Variants in LAMA2 observed in about 807,000 individuals in gnomAD.
LAMA2 encodes the protein laminin subunit alpha 2.
A neutral mutation model predicts 364.8 loss-of-function variants in LAMA2; 269 were observed. The observed-to-expected ratio is 0.74, with a 90% confidence interval of 0.67 to 0.82. The LOEUF is 0.82. LAMA2 is among the 40% of genes least tolerant of loss of function. The pLI, the probability that LAMA2 is intolerant of heterozygous loss-of-function variation, is 0.00. For missense variants in LAMA2, 3,807 were observed against 3,873.2 expected, an observed-to-expected ratio of 0.98 and a Z score of 0.45; for synonymous variants, 1,379 against 1,370.6, an observed-to-expected ratio of 1.01 and a Z score of -0.14.
At chr6:129,307,671 G>A (rs966393648) in intron 22 of LAMA2, among the ~76,000 whole-genome samples, 2 of 152,086 alleles carry the variant, frequency 1.3e-5, no homozygotes, top group African/African-American at 4.8e-5. Flanking sequence ...TTTTATTTTA[G>A]TTGGTTGTGT....
At chr6:129,049,888 T>A (rs1562189546) in intron 1 of LAMA2, 30 bp from the exon 2 acceptor site, 1 of 1,603,366 alleles carries the variant, frequency 6.2e-7, no homozygotes, top group East Asian at 2.2e-5. Context: ...GTTTCTGGTC[T>A]ACACACCTTC....
intron 14 of LAMA2, among the ~76,000 whole-genome samples, chr6:129,253,516 T>C (rs573018157): frequency 1.3e-5 from 2 of 152,362 alleles, no homozygotes; most frequent in East Asian, 1.9e-4. Context: ...CTCTTTTGCA[T>C]AGGCAATTCT....
chr6:129,185,315 T>C (rs1205921953), intron 10 of LAMA2, among the ~76,000 whole-genome samples: 1 of 151,712 alleles, frequency 6.6e-6, no homozygotes, highest in Non-Finnish European at 1.5e-5. Context: ...GAGGAAACTA[T>C]AGCAAAAAGA....
intron 40 of LAMA2, among the ~76,000 whole-genome samples, chr6:129,418,250 C>T (rs1023318578): frequency 5.3e-5 from 8 of 151,994 alleles, no homozygotes; most frequent in Admixed American, 2.6e-4. Flanking sequence ...ACAATAGATC[C>T]CCTCTCCCCA....
At chr6:129,178,656 CT>C (rs1780753858) in intron 10 of LAMA2, among the ~76,000 whole-genome samples, 1 of 151,982 alleles carries the variant, frequency 6.6e-6, no homozygotes, top group Admixed American at 6.6e-5. Context: ...AAAGTTACTA[CT>C]TTTTTCTTTA....
intron 40 of LAMA2, among the ~76,000 whole-genome samples, chr6:129,421,454 T>G (rs994752435): frequency 2.6e-5 from 4 of 152,106 alleles, no homozygotes; most frequent in Admixed American, 2.6e-4. Context: ...CTCATTTATA[T>G]TTCACATATG....
intron 17 of LAMA2, among the ~76,000 whole-genome samples, chr6:129,272,325 T>G (rs1186642426): frequency 6.6e-6 from 1 of 152,160 alleles, no homozygotes; most frequent in Non-Finnish European, 1.5e-5. Context: ...AAACTCTCTG[T>G]GCCTCAATTT....
At position 129,502,684 on chromosome 6, in the gene LAMA2, C is replaced by T. The variant is rs768006670; in HGVS notation, c.8270C>T (p.Pro2757Leu). The change falls in exon 59 of 65, where the codon CCA (proline) becomes CTA (leucine). Residue 2757 changes from proline (P) to leucine (L), a missense_variant. Physicochemically the swap from Pro to Leu is moderately conservative, Grantham distance 98. Transcript: ENST00000421865. Reference sequence around the variant, plus strand: ...GGTCCTTGTGCTGCAGAATCAGAACCAGCTCTTTTGATAGGGAGCAAGCAG... The same window carrying T: ...GGTCCTTGTGCTGCAGAATCAGAACTAGCTCTTTTGATAGGGAGCAAGCAG... ...THGPCAAESE[P>L]ALLIGSKQFG... 1 of 1,613,768 alleles carries T rather than the reference C, an allele frequency of 6.2e-7. No homozygotes were observed. The highest frequency in any genetic ancestry group is 1.3e-5 in the African/African-American group (1 of 74,920).
rs1554234161 is a variant in LAMA2 at position 129,177,867 on chromosome 6, G to T, written c.1467+1G>T. 6.2e-7 allele frequency: 1 copy of T among 1,613,250 alleles called. No individual in the cohort carries two copies. The highest frequency in any genetic ancestry group is 1.7e-4 in the Middle Eastern group (1 of 6,048). On this transcript the variant is annotated splice_donor_variant, in intron 10 of 64. Transcript: ENST00000421865. LOFTEE classifies it high-confidence loss of function. ...TTGTTTTGGCCCCTGTATCTGCAAGGTACATTGTTTATTCCAGTAATGTCC... is the reference window on the plus strand; with the variant it reads ...TTGTTTTGGCCCCTGTATCTGCAAGTTACATTGTTTATTCCAGTAATGTCC...
intron 40 of LAMA2, among the ~76,000 whole-genome samples, chr6:129,413,528 T>C (rs6933947): frequency 0.5 from 76,203 of 151,886 alleles, 19,610 homozygotes; most frequent in African/African-American, 0.62. Context: ...ACAACCTAGA[T>C]CATAAAGCAA....
At chr6:129,338,323 G>A (rs1260621941) in intron 29 of LAMA2, among the ~76,000 whole-genome samples, 1 of 152,130 alleles carries the variant, frequency 6.6e-6, no homozygotes. Context: ...TATAAAATAA[G>A]TTCTTAAAAC....
intron 1 of LAMA2, among the ~76,000 whole-genome samples, chr6:128,984,446 C>T (rs1441725340): frequency 6.6e-6 from 1 of 152,192 alleles, no homozygotes; most frequent in Non-Finnish European, 1.5e-5. Flanking sequence ...CAAGTATCCA[C>T]ATGTGAACTC....
chr6:128,945,824 G>T (rs1159600808), intron 1 of LAMA2, among the ~76,000 whole-genome samples: 3 of 152,184 alleles, frequency 2.0e-5, no homozygotes, highest in African/African-American at 7.2e-5. Flanking sequence ...TCATTCCCAT[G>T]ATTAGGTAAC....
At chr6:129,106,440 C>T (rs78742896) in intron 4 of LAMA2, among the ~76,000 whole-genome samples, 1,838 of 152,246 alleles carry the variant, frequency 0.012, 34 homozygotes, top group African/African-American at 0.042. Context: ...CCTAGCCTTT[C>T]TCAATTACCC....
intron 1 of LAMA2, among the ~76,000 whole-genome samples, chr6:128,992,773 A>C (rs1783685269): frequency 6.6e-6 from 1 of 152,166 alleles, no homozygotes; most frequent in South Asian, 2.1e-4. Flanking sequence ...TTGTGCTTTG[A>C]CATTTCAATT....
At chr6:128,998,452 G>A (rs1252644260) in intron 1 of LAMA2, among the ~76,000 whole-genome samples, 1 of 70,232 alleles carries the variant, frequency 1.4e-5, no homozygotes, top group Non-Finnish European at 2.7e-5. Context: ...GAGCGACGCA[G>A]AAGACGGTGA....
chr6:129,400,628 TC>T (rs1353759388), intron 37 of LAMA2, among the ~76,000 whole-genome samples: 1 of 152,214 alleles, frequency 6.6e-6, no homozygotes, highest in Admixed American at 6.5e-5. Context: ...ATTTTACTCT[TC>T]TAGGCCAGGA....
chr6:129,223,070 G>T (rs982884624), intron 12 of LAMA2, among the ~76,000 whole-genome samples: 4 of 152,150 alleles, frequency 2.6e-5, no homozygotes, highest in African/African-American at 4.8e-5. Flanking sequence ...TTGTGGTTTT[G>T]ATTTGCATTT....
chr6:129,416,767 C>G (rs1780812667), intron 40 of LAMA2, among the ~76,000 whole-genome samples: 1 of 118,290 alleles, frequency 8.5e-6, no homozygotes, highest in South Asian at 2.8e-4. Context: ...CACTACTGGG[C>G]TGGATCCCAC....
Sources: allele counts gnomAD v4.1 joint callset (sites outside exome capture counted in the v4.1 genomes callset), GRCh38; gene constraint gnomAD v4.1.1; transcripts MANE v1.5; gene names NCBI Gene and HGNC (gene_info 2026-07-23, HGNC 2026-07-21).